The following UNC5C variants were observed in gnomAD, a reference collection of about 807,000 sequenced individuals.
The protein encoded by UNC5C is netrin receptor UNC5C.
Under a neutral mutation model 99.8 loss-of-function variants are expected in UNC5C, and 47 were observed. The ratio of observed to expected loss-of-function variants is 0.47; its 90% CI spans 0.37 to 0.60. The LOEUF is 0.60. Among genes scored for constraint, UNC5C ranks in the 20% least tolerant of loss-of-function variants. The pLI, the probability that UNC5C is intolerant of heterozygous loss-of-function variation, is 0.00. For synonymous variants in UNC5C, 487 were observed against 452.2 expected (o/e 1.08, Z -0.98); for missense variants, 1,062 against 1,165.9 (o/e 0.91, Z 1.30).
At chr4:95,278,222 T>C (rs775069856) in intron 4 of UNC5C, 37 bp downstream of exon 4, 2 of 1,527,862 alleles carry the variant, frequency 1.3e-6, no homozygotes, top group South Asian at 1.1e-5. Flanking sequence ...AATAACTTAG[T>C]GCCAATTGCT....
intron 6 of UNC5C, 106 bp downstream of exon 6, chr4:95,244,871 G>C: frequency 7.0e-7 from 1 of 1,422,986 alleles, no homozygotes; most frequent in Non-Finnish European, 9.8e-7. Flanking sequence ...TTTAAATAAC[G>C]TTCATCACAC....
intron 12 of UNC5C, among the ~76,000 whole-genome samples, chr4:95,199,094 G>C (rs192112871): frequency 2.6e-5 from 4 of 152,090 alleles, no homozygotes; most frequent in Admixed American, 6.6e-5. Context: ...GAGCATGAGC[G>C]TGAGTCAGGA....
At chr4:95,308,751 C>CAAAAAAAAAAAAAAAAAAAAA (rs59626139) in intron 2 of UNC5C, among the ~76,000 whole-genome samples, 13 of 34,398 alleles carry the variant, frequency 3.8e-4, no homozygotes, top group African/African-American at 5.7e-4. Flanking sequence ...GACTCTGTCT[C>CAAAAAAAAAAAAAAAAAAAAA]AAAAAAAAAA....
At chr4:95,518,638 A>G (rs1360502669) in intron 1 of UNC5C, among the ~76,000 whole-genome samples, 1 of 152,150 alleles carries the variant, frequency 6.6e-6, no homozygotes, top group African/African-American at 2.4e-5. Context: ...AATAACAATC[A>G]TTTCACTTTA....
At chr4:95,403,115 A>G (rs1436326872) in intron 1 of UNC5C, among the ~76,000 whole-genome samples, 12 of 152,234 alleles carry the variant, frequency 7.9e-5, no homozygotes, top group Admixed American at 7.9e-4. Context: ...ACTAAGTAGA[A>G]CAAGGAATAA....
chr4:95,394,726 C>T (rs1745462501), intron 1 of UNC5C, among the ~76,000 whole-genome samples: 2 of 149,076 alleles, frequency 1.3e-5, no homozygotes, highest in African/African-American at 5.0e-5. Flanking sequence ...TGTTAGTGTT[C>T]TTGCATTGTT....
At chr4:95,339,422 T>G (rs1411941447) in intron 1 of UNC5C, among the ~76,000 whole-genome samples, 1 of 151,902 alleles carries the variant, frequency 6.6e-6, no homozygotes, top group Non-Finnish European at 1.5e-5. Context: ...TTTACTGAGA[T>G]CAGTACCTTC....
At chr4:95,250,769 G>A (rs753482992) in intron 4 of UNC5C, 102 bp from the exon 5 acceptor site, 46 of 1,153,956 alleles carry the variant, frequency 4.0e-5, no homozygotes, top group African/African-American at 3.7e-4. Context: ...CCAAAAGGCC[G>A]AGAAGCGATA....
chr4:95,221,333 T>A (rs1271747799), intron 7 of UNC5C, among the ~76,000 whole-genome samples: 3 of 152,198 alleles, frequency 2.0e-5, no homozygotes, highest in Non-Finnish European at 4.4e-5. Context: ...TATATACATG[T>A]ACATTTTTCA....
intron 1 of UNC5C, among the ~76,000 whole-genome samples, chr4:95,469,603 C>T (rs1309720969): frequency 2.6e-5 from 4 of 152,076 alleles, no homozygotes; most frequent in African/African-American, 7.2e-5. Flanking sequence ...CGTCCTTAAA[C>T]TGTATTCATT....
intron 12 of UNC5C, among the ~76,000 whole-genome samples, chr4:95,200,920 T>C (rs1214762640): frequency 6.6e-6 from 1 of 151,322 alleles, no homozygotes; most frequent in Admixed American, 6.6e-5. Flanking sequence ...TATTAGGAGG[T>C]GAGGCCTTTG....
intron 6 of UNC5C, among the ~76,000 whole-genome samples, chr4:95,244,442 C>T (rs762977976): frequency 6.6e-6 from 1 of 152,112 alleles, no homozygotes; most frequent in Non-Finnish European, 1.5e-5. Context: ...TTACAGATAA[C>T]AAAGAACTGA....
chr4:95,507,070 A>T (rs1353081898), intron 1 of UNC5C, among the ~76,000 whole-genome samples: 1 of 151,980 alleles, frequency 6.6e-6, no homozygotes, highest in Non-Finnish European at 1.5e-5. Context: ...CAGAGTAGGA[A>T]GTCAACAAAC....
chr4:95,171,898 C>G (rs1356012890), intron 14 of UNC5C, among the ~76,000 whole-genome samples: 3 of 151,954 alleles, frequency 2.0e-5, no homozygotes, highest in Non-Finnish European at 4.4e-5. Flanking sequence ...TCTCTAGCAC[C>G]TGTCGTTTCC....
At chr4:95,361,364 C>T (rs1219736328) in intron 1 of UNC5C, among the ~76,000 whole-genome samples, 2 of 152,170 alleles carry the variant, frequency 1.3e-5, no homozygotes, top group Non-Finnish European at 2.9e-5. Flanking sequence ...CTTCTGCATG[C>T]GTTCAACTCA....
intron 7 of UNC5C, among the ~76,000 whole-genome samples, chr4:95,241,654 T>G (rs1467971912): frequency 1.3e-5 from 2 of 152,188 alleles, no homozygotes; most frequent in Non-Finnish European, 2.9e-5. Flanking sequence ...GAATAATTCT[T>G]AATACCTCAA....
intron 2 of UNC5C, among the ~76,000 whole-genome samples, chr4:95,333,813 G>A (rs539196835): frequency 2.6e-5 from 4 of 152,162 alleles, no homozygotes; most frequent in East Asian, 1.9e-4. Flanking sequence ...ATGTTGTAAC[G>A]TATTTGAGTT....
intron 1 of UNC5C, among the ~76,000 whole-genome samples, chr4:95,406,426 T>C (rs1745833975): frequency 6.6e-6 from 1 of 152,230 alleles, no homozygotes; most frequent in Non-Finnish European, 1.5e-5. Flanking sequence ...TTCAAAGACC[T>C]TGACATCATC....
chr4:95,361,941 A>G (rs1039952157), intron 1 of UNC5C, among the ~76,000 whole-genome samples: 4 of 151,042 alleles, frequency 2.6e-5, no homozygotes, highest in African/African-American at 7.3e-5. Flanking sequence ...ACGTATATAT[A>G]TAAAAAACAG....
Sources: gnomAD v4.1 joint callset for allele counts (sites outside exome capture counted in the v4.1 genomes callset) on GRCh38, gnomAD v4.1.1 for gene constraint, MANE v1.5 for transcripts, NCBI Gene and HGNC (gene_info 2026-07-23, HGNC 2026-07-21) for gene names.